The following SERINC5 variants were observed in gnomAD, a reference collection of about 807,000 sequenced individuals.
SERINC5 encodes the protein serine incorporator 5, also known as chromosome 5 open reading frame 12.
SERINC5 carries 41 observed loss-of-function variants against 63.1 expected under a neutral mutation model. The ratio of observed to expected loss-of-function variants is 0.65; its 90% CI spans 0.51 to 0.84. The LOEUF is 0.84. SERINC5 is among the 40% of genes least tolerant of loss of function. SERINC5 has a pLI of 0.00. For missense variants in SERINC5, 523 were observed against 573.0 expected (o/e 0.91, Z 0.89); for synonymous variants, 222 against 215.2 (o/e 1.03, Z -0.28).
Position 80,143,670 on chromosome 5 carries a change from G to C in SERINC5, c.1379C>G (p.Ser460Cys), listed in dbSNP as rs1327320126. Reference sequence around the variant, plus strand: ...AGGGGACCGCCGATATCATCACACAGAGAACTCCCGGGTGGGGCAGCAGAG... The same window carrying C: ...AGGGGACCGCCGATATCATCACACACAGAACTCCCGGGTGGGGCAGCAGAG... ...APLCCPTREF[S>C]V Residue 460 changes from serine (S) to cysteine (C), a missense_variant, in exon 12 of 12, where the codon TCT becomes TGT. Coordinates refer to ENST00000507668, the MANE Select transcript of SERINC5 (RefSeq NM_001174072.3). 4.0e-5 allele frequency: 61 copies of C among 1,535,858 alleles called. No individual in the cohort carries two copies. Among genetic ancestry groups the C allele is most frequent in the Non-Finnish European group, 4.8e-5 (55 of 1,146,842 alleles).
chr5:80,216,342 C>T (rs1000359197), intron 1 of SERINC5, among the ~76,000 whole-genome samples: 6 of 152,216 alleles, frequency 3.9e-5, no homozygotes, highest in Non-Finnish European at 8.8e-5. Context: ...CAGACAATGG[C>T]TCCCCAGTTA....
At chr5:80,112,781 T>TA (rs1280440591) in intron 12 of SERINC5, among the ~76,000 whole-genome samples, 1 of 152,036 alleles carries the variant, frequency 6.6e-6, no homozygotes, top group East Asian at 1.9e-4. Flanking sequence ...ACCTCATTTC[T>TA]AAAAAATAAA....
downstream of SERINC5, among the ~76,000 whole-genome samples, chr5:80,138,314 G>T (rs1406557417): frequency 6.6e-6 from 1 of 151,732 alleles, no homozygotes; most frequent in East Asian, 1.9e-4. Flanking sequence ...TCTGAGAGTA[G>T]GCCGGGCACG....
intron 12 of SERINC5, among the ~76,000 whole-genome samples, chr5:80,113,363 C>T: frequency 6.6e-6 from 1 of 152,076 alleles, no homozygotes; most frequent in Admixed American, 6.6e-5. Flanking sequence ...CTGCATTCTG[C>T]TTGACTCTCG....
At chr5:80,121,114 C>T (rs1744526418) in intron 11 of SERINC5, among the ~76,000 whole-genome samples, 1 of 152,108 alleles carries the variant, frequency 6.6e-6, no homozygotes, top group Non-Finnish European at 1.5e-5. Context: ...CCCGAACTCC[C>T]AACCTCAGGT....
At position 80,166,456 on chromosome 5, in the gene SERINC5, T is replaced by C; in HGVS notation, c.786A>G (p.Leu262=). ...VQNRQPHSGL[L]QSGVISCYVT... The stretch of plus-strand genomic sequence containing the variant: ...CATAGCAGCTTATGACCCCTGATTG[T>C]AAGAGCCCCGAGTGTGGCTGTCCTG... Residue 262 remains leucine (L), a synonymous_variant, in exon 7 of 12, where the codon TTA becomes TTG. Coordinates refer to ENST00000507668, the MANE Select transcript of SERINC5 (RefSeq NM_001174072.3). 6.3e-7 allele frequency: 1 copy of C among 1,592,936 alleles called. No homozygotes were observed. The highest frequency in any genetic ancestry group is 8.6e-7 in the Non-Finnish European group (1 of 1,169,512).
At chr5:80,186,312 A>G (rs1580133414) in intron 2 of SERINC5, among the ~76,000 whole-genome samples, 1 of 151,826 alleles carries the variant, frequency 6.6e-6, no homozygotes, top group African/African-American at 2.4e-5. Context: ...AACTTTTTGT[A>G]TTTTTAGTAG....
At chr5:80,137,642 C>CAAAAAAAAA (rs57807742), downstream of SERINC5, among the ~76,000 whole-genome samples, 38 of 104,802 alleles carry the variant, frequency 3.6e-4, 1 homozygote, top group Admixed American at 1.8e-3. Flanking sequence ...GACTCTAACT[C>CAAAAAAAAA]AAAAAAAAAA....
chr5:80,154,498 ACTTGGAGATTTCTAG>A (rs1226046567), intron 8 of SERINC5, among the ~76,000 whole-genome samples: 1 of 152,090 alleles, frequency 6.6e-6, no homozygotes, highest in Non-Finnish European at 1.5e-5. Context: ...AAGATTTCTA[ACTTGGAGATTTCTAG>A]CTGGCAGGCA....
At chr5:80,164,241 T>C (rs1248292472) in intron 7 of SERINC5, among the ~76,000 whole-genome samples, 1 of 152,152 alleles carries the variant, frequency 6.6e-6, no homozygotes, top group East Asian at 1.9e-4. Flanking sequence ...TTCTCTCTTC[T>C]TGGTTAGTCC....
intron 6 of SERINC5, among the ~76,000 whole-genome samples, chr5:80,168,064 A>G (rs574565734): frequency 6.6e-6 from 1 of 152,356 alleles, no homozygotes; most frequent in East Asian, 1.9e-4. Context: ...CTTAACCCAA[A>G]GATTTTAATC....
chr5:80,199,326 G>A (rs571136329), intron 2 of SERINC5, among the ~76,000 whole-genome samples: 12 of 152,268 alleles, frequency 7.9e-5, no homozygotes, highest in African/African-American at 2.9e-4. Context: ...GTAGGGCAGG[G>A]GTAATGCTAG....
intron 1 of SERINC5, among the ~76,000 whole-genome samples, chr5:80,226,913 G>A (rs1197305079): frequency 2.0e-5 from 3 of 151,816 alleles, no homozygotes; most frequent in Non-Finnish European, 4.4e-5. Flanking sequence ...TACTTTTTTT[G>A]AGATGGAGTC....
intron 1 of SERINC5, among the ~76,000 whole-genome samples, chr5:80,234,905 T>C (rs971745096): frequency 1.3e-5 from 2 of 152,196 alleles, no homozygotes; most frequent in African/African-American, 4.8e-5. Context: ...TCCTCACAGA[T>C]TTAACTTACT....
At chr5:80,153,228 C>T (rs949629732) in intron 8 of SERINC5, among the ~76,000 whole-genome samples, 3 of 152,072 alleles carry the variant, frequency 2.0e-5, no homozygotes, top group East Asian at 1.9e-4. Context: ...GAGGCTGAAG[C>T]GGGCAGATCA....
chr5:80,226,134 C>T (rs941207729), intron 1 of SERINC5, among the ~76,000 whole-genome samples: 6 of 152,222 alleles, frequency 3.9e-5, no homozygotes, highest in Admixed American at 3.9e-4. Context: ...TCTCAGCTCA[C>T]TGCAACCTCC....
chr5:80,161,321 A>G (rs1399292373), intron 7 of SERINC5, among the ~76,000 whole-genome samples: 2 of 152,160 alleles, frequency 1.3e-5, no homozygotes, highest in Non-Finnish European at 2.9e-5. Flanking sequence ...CATCAACAGT[A>G]TAAGTGTTTC....
At chr5:80,214,718 GA>G (rs1474286552) in intron 1 of SERINC5, among the ~76,000 whole-genome samples, 1 of 152,134 alleles carries the variant, frequency 6.6e-6, no homozygotes, top group African/African-American at 2.4e-5. Flanking sequence ...CCAACATGGT[GA>G]AACTCTGTCT....
chr5:80,176,608 T>A (rs1748049040), intron 4 of SERINC5, among the ~76,000 whole-genome samples: 1 of 152,074 alleles, frequency 6.6e-6, no homozygotes, highest in African/African-American at 2.4e-5. Flanking sequence ...ATTTTTATAT[T>A]TTTTAGTAGA....
Sources: allele counts gnomAD v4.1 joint callset (sites outside exome capture counted in the v4.1 genomes callset), GRCh38; gene constraint gnomAD v4.1.1; transcripts MANE v1.5; gene names NCBI Gene and HGNC (gene_info 2026-07-23, HGNC 2026-07-21).